Variants in TSN observed in about 807,000 individuals in gnomAD.
TSN encodes the protein component 3 of promoter of RISC.
TSN carries 5 observed loss-of-function variants against 29.4 expected under a neutral mutation model. The observed-to-expected ratio is 0.17, with a 90% CI of 0.09 to 0.36. TSN has a LOEUF of 0.36. Ranked by LOEUF, TSN falls within the 10% of genes least tolerant of loss-of-function variation. TSN has a pLI of 1.00. For missense variants in TSN, 159 were observed against 272.8 expected (o/e 0.58, Z 2.94); for synonymous variants, 106 against 102.2 (o/e 1.04, Z -0.23).
intron 4 of TSN, 145 bp downstream of exon 4, chr2:121,761,669 G>A (rs2074830460): frequency 3.1e-6 from 2 of 648,066 alleles, no homozygotes; most frequent in African/African-American, 3.7e-5. Context: ...TGAGGATGAT[G>A]CTTCCAGAGC....
In TSN at chr2:121,755,710, C is replaced by T. The variant is rs1244585244; in HGVS notation, c.-70C>T. The T allele has an allele frequency of 1.9e-6, 3 of 1,592,672 alleles. No individual in the cohort carries two copies. Among genetic ancestry groups the T allele is most frequent in the Non-Finnish European group, 2.6e-6 (3 of 1,168,930 alleles). ...GCGGCGGCCGTTGCGATTGATTGCGCTGGTTGCCTGCGGCGTCCACTTCCT... is the reference window on the plus strand; with the variant it reads ...GCGGCGGCCGTTGCGATTGATTGCGTTGGTTGCCTGCGGCGTCCACTTCCT... On this transcript the variant is annotated 5_prime_UTR_variant, in exon 1 of 6. Transcript: ENST00000389682.
intron 5 of TSN, among the ~76,000 whole-genome samples, chr2:121,764,632 C>T (rs1005079109): frequency 1.3e-5 from 2 of 150,110 alleles, no homozygotes; most frequent in South Asian, 4.2e-4. Context: ...TGGGTTGGGT[C>T]TTGAAATCAA....
At chr2:121,761,826 A>T (rs981038939) in intron 4 of TSN, among the ~76,000 whole-genome samples, 12 of 146,830 alleles carry the variant, frequency 8.2e-5, no homozygotes, top group East Asian at 2.0e-4. Context: ...CTATGTAAAT[A>T]TTTTTTTTTT....
chr2:121,760,941 C>T (rs552710095), intron 3 of TSN, among the ~76,000 whole-genome samples: 3 of 145,732 alleles, frequency 2.1e-5, no homozygotes, highest in Admixed American at 7.1e-5. Flanking sequence ...TGTGATCTTG[C>T]GCACTGCAAC....
At chr2:121,760,341 C>A (rs1158826401) in intron 3 of TSN, among the ~76,000 whole-genome samples, 1 of 152,174 alleles carries the variant, frequency 6.6e-6, no homozygotes, top group African/African-American at 2.4e-5. Flanking sequence ...AATTGTCTTC[C>A]ATGAAACCAG....
Position 121,757,320 on chromosome 2 carries a change from T to G in TSN, c.147T>G (p.Ala49=). Reference sequence around the variant, plus strand: ...TACTGCAAGGGGTCCATCAGGGTGCTGGGTTTCAGGACAGTAAGTTCTTTG... The same window carrying G: ...TACTGCAAGGGGTCCATCAGGGTGCGGGGTTTCAGGACAGTAAGTTCTTTG... ...LTLLQGVHQG[A]GFQDIPKRCL... Residue 49 remains alanine, a synonymous_variant, in exon 2 of 6, where the codon GCT becomes GCG. Coordinates refer to ENST00000389682, the MANE Select transcript of TSN (RefSeq NM_004622.3). 6.2e-7 allele frequency: 1 copy of G among 1,614,152 alleles called. No homozygotes were observed. The highest frequency in any genetic ancestry group is 8.5e-7 in the Non-Finnish European group (1 of 1,179,992).
chr2:121,765,268 C>T lies in TSN; in HGVS notation c.588C>T (p.Asp196=), dbSNP rs369952762. 115 of 1,614,068 alleles carry T rather than the reference C, an allele frequency of 7.1e-5. No homozygotes were observed. Among genetic ancestry groups the T allele is most frequent in the Non-Finnish European group, 8.6e-5 (101 of 1,180,040 alleles). Residue 196 remains aspartate, a synonymous_variant, in exon 6 of 6, where the codon GAC becomes GAT. Transcript: ENST00000389682. Reference sequence around the variant, plus strand: ...ATGACTCCCTGAGGAAGCGCTACGACGGATTGAAATATGACGTGAAGAAAG... The same window carrying T: ...ATGACTCCCTGAGGAAGCGCTACGATGGATTGAAATATGACGTGAAGAAAG... ...LKNDSLRKRY[D]GLKYDVKKVE...
chr2:121,763,118 T>A (rs1489151866), intron 5 of TSN, 34 bp downstream of exon 5: 6 of 1,402,870 alleles, frequency 4.3e-6, no homozygotes, highest in South Asian at 1.3e-5. Flanking sequence ...GCTTTTTTGA[T>A]CTTTCTGCTT....
rs1230778759 is a variant in TSN at position 121,761,027 on chromosome 2, G to A, written c.258-382G>A. ...TGGGACTATGGGCGCCTGCCACCAC[G>A]CCTGGCTAATTTTTGTATTTTTAGT... On this transcript the variant is annotated intron_variant, in intron 3 of 5. Transcript: ENST00000389682. 3.3e-5 allele frequency among the ~76,000 whole-genome samples: 5 copies of A among 151,848 alleles called. No individual in the cohort carries two copies. In the East Asian group the frequency reaches 5.8e-4, roughly 18 times the overall value.
At chr2:121,756,868 C>T (rs1373850657) in intron 1 of TSN, among the ~76,000 whole-genome samples, 1 of 148,928 alleles carries the variant, frequency 6.7e-6, no homozygotes, top group African/African-American at 2.5e-5. Context: ...GAGATCGCGC[C>T]ACTGCACTCC....
intron 5 of TSN, among the ~76,000 whole-genome samples, chr2:121,763,731 T>C (rs1017796297): frequency 2.0e-5 from 3 of 152,246 alleles, no homozygotes; most frequent in African/African-American, 7.2e-5. Context: ...TAAGTTATTC[T>C]TATCCTTTAT....
intron 3 of TSN, among the ~76,000 whole-genome samples, chr2:121,759,858 G>A (rs2074798649): frequency 6.6e-6 from 1 of 152,152 alleles, no homozygotes; most frequent in Non-Finnish European, 1.5e-5. Flanking sequence ...TGCTGCCTCT[G>A]GGAGCTAAGA....
At chr2:121,762,980 G>T in intron 4 of TSN, 25 bp from the exon 5 acceptor site, 2 of 1,584,348 alleles carry the variant, frequency 1.3e-6, no homozygotes, top group Non-Finnish European at 8.6e-7. Context: ...TTCACAGCAT[G>T]ACTTTATTTT....
chr2:121,759,034 A>G (rs2074786363), intron 3 of TSN, among the ~76,000 whole-genome samples: 1 of 152,240 alleles, frequency 6.6e-6, no homozygotes, highest in African/African-American at 2.4e-5. Flanking sequence ...TGAAAAAGCA[A>G]TTAAAAAGAA....
Position 121,767,009 on chromosome 2 carries a change from C to T in TSN, c.*1642C>T, listed in dbSNP as rs2074910517. The T allele has an allele frequency of 6.6e-6, 1 of 152,120 alleles. No individual in the cohort carries two copies. Among genetic ancestry groups the T allele is most frequent in the African/African-American group, 2.4e-5 (1 of 41,432 alleles). 9.4% of individuals were successfully genotyped at this position (152,120 alleles called of 1,614,324 possible). Reference sequence around the variant, plus strand: ...CTTAAAATGTGCAGTAATAGCACTGCCAGGATCAAGCATGAAAGGCTTTTA... The same window carrying T: ...CTTAAAATGTGCAGTAATAGCACTGTCAGGATCAAGCATGAAAGGCTTTTA... On this transcript the variant is annotated 3_prime_UTR_variant, in exon 6 of 6. Coordinates refer to ENST00000389682, the MANE Select transcript of TSN (RefSeq NM_004622.3).
intron 3 of TSN, among the ~76,000 whole-genome samples, chr2:121,759,767 G>C (rs558968986): frequency 1.3e-5 from 2 of 152,152 alleles, no homozygotes; most frequent in African/African-American, 2.4e-5. Context: ...GCAGTAAATA[G>C]GATGAGTATT....
intron 1 of TSN, chr2:121,756,454 A>G (rs879593182): frequency 2.0e-5 from 5 of 252,552 alleles, no homozygotes; most frequent in African/African-American, 4.8e-5. Context: ...GTTTTCTAGT[A>G]GCACATTAAC....
chr2:121,761,482 G>C lies in TSN; in HGVS notation c.331G>C (p.Glu111Gln), dbSNP rs749238966. The C allele has an allele frequency of 6.2e-7, 1 of 1,614,040 alleles. No individual in the cohort carries two copies. The highest frequency in any genetic ancestry group is 1.3e-5 in the African/African-American group (1 of 74,932). Residue 111 changes from glutamate (E) to glutamine (Q), a missense_variant, in exon 4 of 6, where the codon GAA becomes CAA. Physicochemically the swap from Glu to Gln is conservative, Grantham distance 29. Transcript: ENST00000389682. Reference protein sequence around the residue: ...LAAFVVYLETETLVTREAVTE... With the variant: ...LAAFVVYLETQTLVTREAVTE... ...AGCATTTGTTGTGTATTTGGAAACA[G>C]AAACACTAGTGACTCGAGAAGCAGT...
chr2:121,761,016 C>T (rs919640796), intron 3 of TSN, among the ~76,000 whole-genome samples: 2 of 151,852 alleles, frequency 1.3e-5, no homozygotes, highest in South Asian at 2.1e-4. Context: ...ACTATGGGCG[C>T]CTGCCACCAC....
Sources: gnomAD v4.1 joint callset for allele counts (sites outside exome capture counted in the v4.1 genomes callset) on GRCh38, gnomAD v4.1.1 for gene constraint, MANE v1.5 for transcripts, NCBI Gene and HGNC (gene_info 2026-07-23, HGNC 2026-07-21) for gene names.